Variants in CTNNA3 observed in about 807,000 individuals in gnomAD.
CTNNA3 encodes catenin alpha-3.
In CTNNA3, 76 loss-of-function variants were observed where a neutral mutation model predicts 95.7. That is an observed-to-expected ratio of 0.79 (90% confidence interval 0.66 to 0.96). CTNNA3 has a LOEUF of 0.96. Ranked by LOEUF, CTNNA3 falls within the 40% of genes least tolerant of loss-of-function variation. CTNNA3 has a pLI of 0.00. For missense variants in CTNNA3, 1,191 were observed against 1,089.8 expected (o/e 1.09, Z -1.31); for synonymous variants, 431 against 374.4 (o/e 1.15, Z -1.74).
chr10:67,499,924 T>C (rs1217851849), intron 5 of CTNNA3, among the ~76,000 whole-genome samples: 1 of 152,194 alleles, frequency 6.6e-6, no homozygotes, highest in Non-Finnish European at 1.5e-5. Flanking sequence ...TTCATATCTC[T>C]ATCTCCTTCA....
chr10:66,783,796 G>C (rs528030386), intron 7 of CTNNA3, among the ~76,000 whole-genome samples: 5 of 152,154 alleles, frequency 3.3e-5, no homozygotes, highest in African/African-American at 1.2e-4. Flanking sequence ...CCATGTTTTT[G>C]GAGATAGAGA....
At chr10:66,407,215 A>G (rs2093064519) in intron 11 of CTNNA3, among the ~76,000 whole-genome samples, 1 of 151,908 alleles carries the variant, frequency 6.6e-6, no homozygotes, top group African/African-American at 2.4e-5. Context: ...AGAAAAAAAA[A>G]AAAACAGGAA....
intron 10 of CTNNA3, among the ~76,000 whole-genome samples, chr10:66,606,333 A>G (rs1844121001): frequency 6.6e-6 from 1 of 152,140 alleles, no homozygotes; most frequent in Admixed American, 6.5e-5. Context: ...GGAGACTTCA[A>G]TACCTCACTG....
chr10:66,775,568 C>T, intron 7 of CTNNA3, 44 bp from the exon 8 acceptor site: 2 of 1,357,096 alleles, frequency 1.5e-6, no homozygotes, highest in Non-Finnish European at 2.1e-6. Context: ...ATCAATTAAT[C>T]TTTATCACTT....
chr10:66,663,180 T>C (rs964699931), intron 9 of CTNNA3, among the ~76,000 whole-genome samples: 2 of 152,094 alleles, frequency 1.3e-5, no homozygotes, highest in Non-Finnish European at 2.9e-5. Flanking sequence ...TGTTAAAAGG[T>C]CAGATCATGT....
At chr10:66,971,654 G>A (rs959533933) in intron 7 of CTNNA3, among the ~76,000 whole-genome samples, 1 of 152,074 alleles carries the variant, frequency 6.6e-6, no homozygotes, top group Non-Finnish European at 1.5e-5. Flanking sequence ...AATGACAAAT[G>A]TCATCATTAT....
chr10:66,948,480 T>G (rs1218808288), intron 7 of CTNNA3, among the ~76,000 whole-genome samples: 3 of 152,222 alleles, frequency 2.0e-5, no homozygotes, highest in African/African-American at 7.2e-5. Context: ...TATGTGACAC[T>G]TTGTGACAAC....
intron 3 of CTNNA3, among the ~76,000 whole-genome samples, chr10:67,580,420 C>T (rs9665291): frequency 1 from 150,958 of 151,354 alleles, 75,283 homozygotes; most frequent in East Asian, 1. Context: ...GGTTGATATC[C>T]CTGTTTTGGT....
intron 10 of CTNNA3, among the ~76,000 whole-genome samples, chr10:66,521,671 T>C (rs1436028276): frequency 6.6e-6 from 1 of 152,210 alleles, no homozygotes; most frequent in Non-Finnish European, 1.5e-5. Flanking sequence ...TATCATTCTT[T>C]GGCCCTCCAG....
chr10:65,989,794 C>T (rs1001285978), intron 15 of CTNNA3, among the ~76,000 whole-genome samples: 2 of 152,008 alleles, frequency 1.3e-5, no homozygotes, highest in Non-Finnish European at 2.9e-5. Context: ...TCCTACTCAA[C>T]TATTGAATAT....
chr10:67,677,623 G>C (rs1466665269), intron 1 of CTNNA3, among the ~76,000 whole-genome samples: 11 of 152,252 alleles, frequency 7.2e-5, no homozygotes, highest in African/African-American at 2.6e-4. Context: ...CAAAGAAGCT[G>C]CTTTTCAGGT....
At chr10:66,635,110 C>A (rs1020572231) in intron 9 of CTNNA3, among the ~76,000 whole-genome samples, 3 of 152,026 alleles carry the variant, frequency 2.0e-5, no homozygotes, top group African/African-American at 7.2e-5. Flanking sequence ...ATAGTTTATT[C>A]AAGGTCCCTC....
chr10:66,510,851 C>A (rs1478891262), intron 11 of CTNNA3, among the ~76,000 whole-genome samples: 1 of 151,464 alleles, frequency 6.6e-6, no homozygotes, highest in Admixed American at 6.6e-5. Flanking sequence ...CCATAGTTTT[C>A]TTTTTTTGTT....
chr10:66,899,238 G>A (rs1845620973), intron 7 of CTNNA3, among the ~76,000 whole-genome samples: 1 of 152,148 alleles, frequency 6.6e-6, no homozygotes, highest in South Asian at 2.1e-4. Flanking sequence ...TGGAGAACCT[G>A]GAACCTTTGT....
At chr10:66,956,235 A>T (rs1036383978) in intron 7 of CTNNA3, among the ~76,000 whole-genome samples, 2 of 151,154 alleles carry the variant, frequency 1.3e-5, no homozygotes, top group Non-Finnish European at 2.9e-5. Context: ...TGTCTTGTGC[A>T]AATCTAGGAT....
Position 66,725,324 on chromosome 10 carries a change from A to G in CTNNA3, c.1281+40940T>C, listed in dbSNP as rs566825951. Among the ~76,000 whole-genome samples, 3 of 152,228 alleles carry G rather than the reference A, an allele frequency of 2.0e-5. No individual in the cohort carries two copies. The East Asian group carries it at 5.8e-4, about 29-fold the overall frequency. On this transcript the variant is annotated intron_variant, in intron 9 of 17. Coordinates refer to ENST00000433211, the MANE Select transcript of CTNNA3 (RefSeq NM_013266.4). The stretch of plus-strand genomic sequence containing the variant: ...AAATATTAAGAGATCTAGCACTAAT[A>G]TGCTTTAGGTGATCTTTGCCTTGTT...
chr10:67,308,577 T>C (rs554893959), intron 5 of CTNNA3, among the ~76,000 whole-genome samples: 1 of 152,048 alleles, frequency 6.6e-6, no homozygotes, highest in Non-Finnish European at 1.5e-5. Flanking sequence ...CATACATCTT[T>C]GAGACATTTT....
intron 10 of CTNNA3, among the ~76,000 whole-genome samples, chr10:66,544,971 A>T (rs563254130): frequency 6.6e-6 from 1 of 152,112 alleles, no homozygotes; most frequent in Non-Finnish European, 1.5e-5. Context: ...ATGAAAGATG[A>T]GGACTGTTGT....
intron 11 of CTNNA3, among the ~76,000 whole-genome samples, chr10:66,434,006 C>G (rs1405638207): frequency 6.6e-6 from 1 of 152,146 alleles, no homozygotes; most frequent in Non-Finnish European, 1.5e-5. Flanking sequence ...GTCTATATAT[C>G]TGTTTTGGTA....
Sources: gnomAD v4.1 joint callset for allele counts (sites outside exome capture counted in the v4.1 genomes callset) on GRCh38, gnomAD v4.1.1 for gene constraint, MANE v1.5 for transcripts, NCBI Gene and HGNC (gene_info 2026-07-23, HGNC 2026-07-21) for gene names.